Variants in CUX1 observed in about 807,000 individuals in gnomAD.
CUX1 encodes the protein protein CASP.
Under a neutral mutation model 158.8 loss-of-function variants are expected in CUX1, and 31 were observed. The observed-to-expected ratio is 0.20, with a 90% CI of 0.15 to 0.26. CUX1 has a LOEUF of 0.26. Among genes scored for constraint, CUX1 ranks in the 10% least tolerant of loss-of-function variants. CUX1 has a pLI of 1.00. For synonymous variants in CUX1, 879 were observed against 862.1 expected (o/e 1.02, Z -0.34); for missense variants, 1,589 against 2,014.6 (o/e 0.79, Z 4.04).
At chr7:102,074,807 C>T (rs1826520748) in intron 4 of CUX1, among the ~76,000 whole-genome samples, 1 of 152,204 alleles carries the variant, frequency 6.6e-6, no homozygotes, top group South Asian at 2.1e-4. Context: ...CTTCTTACTG[C>T]CTGCCTTCTT....
chr7:102,039,536 T>A (rs1363559717), intron 3 of CUX1, among the ~76,000 whole-genome samples: 1 of 151,890 alleles, frequency 6.6e-6, no homozygotes, highest in African/African-American at 2.4e-5. Context: ...ACACCTGTAG[T>A]CCCAGCTACT....
In CUX1 at chr7:102,167,983, C is replaced by A. The variant is rs1372703482; in HGVS notation, c.724-2463C>A. ...ATCCTAGCTACTCGGGAGGCTGAGG[C>A]AGGAGAATCGCTTGAACCCGGGAGG... is the stretch of plus-strand genomic sequence containing the variant. On this transcript the variant is annotated intron_variant, in intron 9 of 23. Coordinates refer to ENST00000292535, the MANE Select transcript of CUX1 (RefSeq NM_181552.4). 2.0e-5 allele frequency among the ~76,000 whole-genome samples: 3 copies of A among 151,786 alleles called. No homozygotes were observed. In the East Asian group the frequency reaches 5.8e-4, roughly 29 times the overall value.
intron 2 of CUX1, among the ~76,000 whole-genome samples, chr7:101,943,033 C>T (rs1361859225): frequency 1.3e-5 from 2 of 148,902 alleles, no homozygotes; most frequent in Non-Finnish European, 3.0e-5. Context: ...GCCATGCACA[C>T]AGGTACCTAG....
chr7:102,136,085 TTC>T (rs1276902928), intron 8 of CUX1, among the ~76,000 whole-genome samples: 1 of 152,188 alleles, frequency 6.6e-6, no homozygotes, highest in African/African-American at 2.4e-5. Flanking sequence ...TAATATTTGT[TTC>T]TGTTTGTTAT....
At chr7:102,019,320 C>T (rs567540784) in intron 2 of CUX1, among the ~76,000 whole-genome samples, 8 of 152,196 alleles carry the variant, frequency 5.3e-5, no homozygotes, top group Admixed American at 1.3e-4. Context: ...CTCTGCCTCC[C>T]GGGTTCAAGC....
chr7:101,823,554 C>T (rs1232647294), intron 1 of CUX1, among the ~76,000 whole-genome samples: 1 of 152,142 alleles, frequency 6.6e-6, no homozygotes, highest in Non-Finnish European at 1.5e-5. Context: ...ATGCAGTTAA[C>T]AAAGCAGGAA....
At chr7:101,957,851 C>T (rs1362835080) in intron 2 of CUX1, among the ~76,000 whole-genome samples, 1 of 152,172 alleles carries the variant, frequency 6.6e-6, no homozygotes, top group Admixed American at 6.5e-5. Context: ...TTAATTTATT[C>T]ACCAGACATC....
chr7:102,274,517 G>A lies in CUX1; in HGVS notation c.1450+207G>A, dbSNP rs538123458. Among the ~76,000 whole-genome samples the A allele has an allele frequency of 5.9e-5, 9 of 152,380 alleles. No homozygotes were observed. The South Asian group carries it at 6.2e-4, about 11-fold the overall frequency. ...TATAGTCCCGGCTACTTTGGAGGCC[G>A]AGGTGGGAGGATCGCCTGAGCCCAG... On this transcript the variant is annotated intron_variant, in intron 16 of 22. Coordinates refer to the CUX1 transcript ENST00000292538.
upstream of CUX1, chr7:101,817,089 C>T: frequency 1.0e-6 from 1 of 984,606 alleles, no homozygotes; most frequent in Non-Finnish European, 1.2e-6. The surrounding 1 kb of genome is among the most constrained non-coding windows in gnomAD (Gnocchi z 4.1). Flanking sequence ...GGGTGCCCCG[C>T]GCGCAGTGTC....
chr7:101,950,614 T>C (rs952646695), intron 2 of CUX1, among the ~76,000 whole-genome samples: 3 of 152,260 alleles, frequency 2.0e-5, no homozygotes, highest in African/African-American at 7.2e-5. Context: ...CTCATTTGTT[T>C]ATCTATTGTC....
intron 17 of CUX1, 116 bp downstream of exon 17, chr7:102,200,288 C>A (rs1212619959): frequency 2.6e-6 from 2 of 774,788 alleles, no homozygotes; most frequent in South Asian, 2.0e-5. Context: ...AATGCCTGTT[C>A]TCAAGCATTT....
intron 2 of CUX1, among the ~76,000 whole-genome samples, chr7:101,935,870 G>C (rs1036925664): frequency 6.6e-6 from 1 of 152,198 alleles, no homozygotes; most frequent in Non-Finnish European, 1.5e-5. Flanking sequence ...ATTTCCAGCC[G>C]AAGTTACACT....
rs1586448461 is a variant in CUX1, at chr7:102,251,299, C to T, written c.*2257C>T. 1.0e-6 allele frequency: 1 copy of T among 985,304 alleles called. No homozygotes were observed. Among genetic ancestry groups the T allele is most frequent in the African/African-American group, 1.7e-5 (1 of 57,296 alleles). 61.0% of individuals were successfully genotyped at this position (985,304 alleles called of 1,614,324 possible). On this transcript the variant is annotated 3_prime_UTR_variant, in exon 24 of 24. Coordinates refer to ENST00000292535, the MANE Select transcript of CUX1 (RefSeq NM_181552.4). Reference sequence around the variant, plus strand: ...AAGGTATGCTCTGGCTGTTCCACCTCCGTGTGCTTGTTAATTAACTTGTAG... The same window carrying T: ...AAGGTATGCTCTGGCTGTTCCACCTTCGTGTGCTTGTTAATTAACTTGTAG...
rs1282051663 is a variant in CUX1 at position 102,249,501 on chromosome 7, A to G, written c.*459A>G. On this transcript the variant is annotated 3_prime_UTR_variant, in exon 24 of 24. Coordinates refer to ENST00000292535, the MANE Select transcript of CUX1 (RefSeq NM_181552.4). Reference sequence around the variant, plus strand: ...CTGAAGTGTTTTTTTTATTGCCCTAAGTGATTTCCACAGGTTCTGGAATAA... The same window carrying G: ...CTGAAGTGTTTTTTTTATTGCCCTAGGTGATTTCCACAGGTTCTGGAATAA... 1 of 985,800 alleles carries G rather than the reference A, an allele frequency of 1.0e-6. No individual in the cohort carries two copies. Among genetic ancestry groups the G allele is most frequent in the African/African-American group, 1.7e-5 (1 of 57,254 alleles). The allele number at this position is 985,800 out of a possible 1,614,324, so 61.1% of individuals were successfully genotyped here.
chr7:102,062,578 A>G (rs1037040413), intron 3 of CUX1, among the ~76,000 whole-genome samples: 10 of 152,128 alleles, frequency 6.6e-5, no homozygotes, highest in African/African-American at 1.9e-4. Context: ...TGGTGCAATC[A>G]TAGCTCATTG....
chr7:102,180,019 T>C (rs1310072379), intron 11 of CUX1, among the ~76,000 whole-genome samples: 5 of 150,896 alleles, frequency 3.3e-5, no homozygotes, highest in African/African-American at 9.9e-5. Context: ...GTTTTGTCGT[T>C]GTTGTTGTTG....
chr7:102,246,850 G>A (rs1358104424), intron 23 of CUX1, among the ~76,000 whole-genome samples: 3 of 152,326 alleles, frequency 2.0e-5, no homozygotes, highest in African/African-American at 4.8e-5. Context: ...GATTGCAGGC[G>A]TGAGCTACCA....
chr7:102,140,968 T>TA (rs1354501446), intron 8 of CUX1, among the ~76,000 whole-genome samples: 1 of 152,128 alleles, frequency 6.6e-6, no homozygotes, highest in Non-Finnish European at 1.5e-5. Flanking sequence ...TCGCTACGTC[T>TA]AAGTATTGTG....
intron 1 of CUX1, among the ~76,000 whole-genome samples, chr7:101,837,874 C>G (rs1794801740): frequency 7.3e-6 from 1 of 137,494 alleles, no homozygotes; most frequent in African/African-American, 2.7e-5. Context: ...CCAAAATTCT[C>G]AAGTCAAATT....
Sources: allele counts gnomAD v4.1 joint callset (sites outside exome capture counted in the v4.1 genomes callset), GRCh38; gene constraint gnomAD v4.1.1; non-coding constraint Gnocchi (gnomAD v3.1); transcripts MANE v1.5; gene names NCBI Gene and HGNC (gene_info 2026-07-23, HGNC 2026-07-21).